Variants in PRKG1 observed in about 807,000 individuals in gnomAD.
The protein encoded by PRKG1 is cGMP-dependent protein kinase 1.
Under a neutral mutation model 88.1 loss-of-function variants are expected in PRKG1, and 35 were observed. The ratio of observed to expected loss-of-function variants is 0.40; its 90% CI spans 0.30 to 0.53. PRKG1 has a LOEUF of 0.53. PRKG1 is among the 20% of genes least tolerant of loss of function. The pLI is 0.59. For synonymous variants in PRKG1, 303 were observed against 292.5 expected (o/e 1.04, Z -0.37); for missense variants, 540 against 839.8 (o/e 0.64, Z 4.41).
At chr10:51,720,014 C>G (rs1337055500) in intron 3 of PRKG1, among the ~76,000 whole-genome samples, 2 of 151,830 alleles carry the variant, frequency 1.3e-5, no homozygotes, top group Non-Finnish European at 2.9e-5. Context: ...TTGAATTGTT[C>G]TGGAAGTAGC....
intron 3 of PRKG1, among the ~76,000 whole-genome samples, chr10:51,735,003 A>C (rs1335309108): frequency 1.3e-5 from 2 of 152,206 alleles, no homozygotes; most frequent in African/African-American, 4.8e-5. Flanking sequence ...GAGATATTCA[A>C]TAAAAATCCC....
intron 10 of PRKG1, among the ~76,000 whole-genome samples, chr10:52,256,688 A>G: frequency 7.2e-6 from 1 of 139,774 alleles, no homozygotes; most frequent in Non-Finnish European, 1.6e-5. Context: ...AGCATAGAAA[A>G]GGAAGGGAAT....
At chr10:51,078,911 C>T (rs531604381) in intron 1 of PRKG1, among the ~76,000 whole-genome samples, 2 of 152,032 alleles carry the variant, frequency 1.3e-5, no homozygotes, top group Non-Finnish European at 2.9e-5. Context: ...CCACCGCACC[C>T]GGCCTATTTT....
intron 1 of PRKG1, among the ~76,000 whole-genome samples, chr10:51,042,626 C>T (rs765261335): frequency 7.2e-5 from 11 of 152,074 alleles, no homozygotes; most frequent in Non-Finnish European, 1.3e-4. Flanking sequence ...CTGTCACCCG[C>T]GGAACAGAGA....
At chr10:51,876,774 G>A (rs545629330) in intron 4 of PRKG1, among the ~76,000 whole-genome samples, 1 of 152,226 alleles carries the variant, frequency 6.6e-6, no homozygotes, top group Admixed American at 6.5e-5. Flanking sequence ...GAATCTGGGA[G>A]CACCACTCAC....
At chr10:51,970,571 AT>A (rs796941892) in intron 5 of PRKG1, among the ~76,000 whole-genome samples, 1 of 150,338 alleles carries the variant, frequency 6.7e-6, no homozygotes, top group Non-Finnish European at 1.5e-5. Context: ...ATCAACTTTT[AT>A]TTTTTTATTT....
chr10:51,594,558 T>A (rs1243750657), intron 3 of PRKG1, among the ~76,000 whole-genome samples: 6 of 152,236 alleles, frequency 3.9e-5, no homozygotes, highest in Admixed American at 3.9e-4. Flanking sequence ...CATCAATCTC[T>A]GCATGTGTAT....
At chr10:52,186,985 T>C (rs1242337889) in intron 9 of PRKG1, among the ~76,000 whole-genome samples, 1 of 152,212 alleles carries the variant, frequency 6.6e-6, no homozygotes, top group Non-Finnish European at 1.5e-5. Context: ...ATCTGATTAA[T>C]ACAAATGTTA....
chr10:51,540,930 G>T (rs913652935), intron 3 of PRKG1, among the ~76,000 whole-genome samples: 4 of 152,118 alleles, frequency 2.6e-5, no homozygotes, highest in Admixed American at 2.6e-4. Context: ...TGTTGATCAG[G>T]CTGGTCTCGA....
chr10:51,158,884 G>GTA (rs1846286204), intron 2 of PRKG1, among the ~76,000 whole-genome samples: 1 of 151,956 alleles, frequency 6.6e-6, no homozygotes, highest in Non-Finnish European at 1.5e-5. Context: ...TGGAGCATTT[G>GTA]TATACTAACT....
intron 3 of PRKG1, among the ~76,000 whole-genome samples, chr10:51,578,921 T>C (rs769270598): frequency 6.6e-6 from 1 of 151,742 alleles, no homozygotes; most frequent in Non-Finnish European, 1.5e-5. Flanking sequence ...TTGTCTTAAT[T>C]TTACCTGTGT....
chr10:51,875,716 A>G (rs1841280845), intron 4 of PRKG1, among the ~76,000 whole-genome samples: 1 of 152,220 alleles, frequency 6.6e-6, no homozygotes, highest in Non-Finnish European at 1.5e-5. Flanking sequence ...CTGAAGTAAT[A>G]CTTAAAGCAA....
intron 9 of PRKG1, among the ~76,000 whole-genome samples, chr10:52,211,039 G>A (rs1487670399): frequency 6.6e-6 from 1 of 152,128 alleles, no homozygotes; most frequent in Non-Finnish European, 1.5e-5. Context: ...ACATGTGTCG[G>A]CTACTATACT....
At chr10:52,178,797 T>C (rs1438669841) in intron 9 of PRKG1, among the ~76,000 whole-genome samples, 1 of 152,176 alleles carries the variant, frequency 6.6e-6, no homozygotes, top group Non-Finnish European at 1.5e-5. Flanking sequence ...TTTTGTCTGA[T>C]GTAACTATAG....
At chr10:51,152,290 C>A (rs928718190) in intron 1 of PRKG1, among the ~76,000 whole-genome samples, 3 of 152,036 alleles carry the variant, frequency 2.0e-5, no homozygotes, top group Admixed American at 6.6e-5. Context: ...GAATCCCATA[C>A]CTAAAACATG....
At chr10:51,938,798 TGTTTA>T in intron 5 of PRKG1, among the ~76,000 whole-genome samples, 1 of 152,146 alleles carries the variant, frequency 6.6e-6, no homozygotes, top group East Asian at 1.9e-4. Context: ...CTGAGCAAAC[TGTTTA>T]GTCTTCTAAA....
chr10:51,478,585 T>G (rs1554813964), intron 3 of PRKG1, among the ~76,000 whole-genome samples: 1 of 152,110 alleles, frequency 6.6e-6, no homozygotes, highest in Non-Finnish European at 1.5e-5. Flanking sequence ...AAAACTGTAG[T>G]GAACCAAGTT....
rs373472193 is a variant in PRKG1 at position 51,889,880 on chromosome 10, T to C, written c.699-17627T>C. Among the ~76,000 whole-genome samples the C allele has an allele frequency of 4.6e-5, 7 of 152,194 alleles. No individual in the cohort carries two copies. The East Asian group carries it at 1.2e-3, about 25-fold the overall frequency. On this transcript the variant is annotated intron_variant, in intron 4 of 17. Transcript: ENST00000373980. ...TCTTTTCAGAAGTGTCTGTTCATAT[T>C]CTTGGCCCACTTTTTGATGGGGTTA...
At chr10:50,995,433 C>A (rs150976027) in intron 1 of PRKG1, among the ~76,000 whole-genome samples, 8 of 152,230 alleles carry the variant, frequency 5.3e-5, no homozygotes, top group Admixed American at 1.3e-4. Context: ...CGACTTATTG[C>A]GGTACTCATT....
Sources: gnomAD v4.1 joint callset for allele counts (sites outside exome capture counted in the v4.1 genomes callset) on GRCh38, gnomAD v4.1.1 for gene constraint, MANE v1.5 for transcripts, NCBI Gene and HGNC (gene_info 2026-07-23, HGNC 2026-07-21) for gene names.